KCNMB2: variants seen among roughly 807,000 people sequenced by gnomAD.
KCNMB2 encodes calcium-activated potassium channel subunit beta-2.
KCNMB2 carries 9 observed loss-of-function variants against 24.5 expected under a neutral mutation model. The ratio of observed to expected loss-of-function variants is 0.37; its 90% CI spans 0.22 to 0.64. KCNMB2 has a LOEUF of 0.64. Ranked by LOEUF, KCNMB2 falls within the 30% of genes least tolerant of loss-of-function variation. The probability of loss-of-function intolerance (pLI) is 0.63; values close to 1 mark genes in which losing one functional copy is unlikely to be tolerated. For synonymous variants in KCNMB2, 109 were observed against 104.4 expected, an observed-to-expected ratio of 1.04 and a Z score of -0.27; for missense variants, 226 against 284.3, an observed-to-expected ratio of 0.79 and a Z score of 1.47.
At chr3:178,717,234 T>C (rs1218045476) in intron 1 of KCNMB2, among the ~76,000 whole-genome samples, 1 of 152,130 alleles carries the variant, frequency 6.6e-6, no homozygotes, top group South Asian at 2.1e-4. Context: ...TGGCCACCTG[T>C]TTCCAAAGTA....
chr3:178,726,888 T>A (rs746375405), intron 1 of KCNMB2, among the ~76,000 whole-genome samples: 1 of 152,108 alleles, frequency 6.6e-6, no homozygotes, highest in Non-Finnish European at 1.5e-5. Flanking sequence ...ATTGAAAAGA[T>A]ATATTGTCTC....
intron 1 of KCNMB2, among the ~76,000 whole-genome samples, chr3:178,593,706 G>C (rs559037253): frequency 6.6e-6 from 1 of 150,916 alleles, no homozygotes; most frequent in Non-Finnish European, 1.5e-5. Flanking sequence ...CCAATTCCCC[G>C]GCCTTAGATT....
chr3:178,573,660 T>C (rs1577020442), intron 1 of KCNMB2, among the ~76,000 whole-genome samples: 2 of 148,562 alleles, frequency 1.3e-5, no homozygotes, highest in Admixed American at 1.4e-4. Flanking sequence ...GGTGGGAGGA[T>C]TGTTTGAGCC....
At chr3:178,813,079 A>C (rs1714259127) in intron 2 of KCNMB2, among the ~76,000 whole-genome samples, 1 of 152,180 alleles carries the variant, frequency 6.6e-6, no homozygotes, top group Non-Finnish European at 1.5e-5. Flanking sequence ...TATGTCACCA[A>C]GTCTTTCTCT....
chr3:178,805,656 T>C (rs1416284546), intron 1 of KCNMB2, among the ~76,000 whole-genome samples: 1 of 151,788 alleles, frequency 6.6e-6, no homozygotes, highest in African/African-American at 2.4e-5. Context: ...ACAGGGGGTG[T>C]CACTGTGTCA....
chr3:178,764,811 AAAAAT>A (rs1414914773), intron 1 of KCNMB2, among the ~76,000 whole-genome samples: 2 of 152,216 alleles, frequency 1.3e-5, no homozygotes, highest in African/African-American at 4.8e-5. Flanking sequence ...AACTTTGTCC[AAAAAT>A]AAAATAAAAT....
intron 1 of KCNMB2, among the ~76,000 whole-genome samples, chr3:178,636,597 C>T (rs1393454942): frequency 6.6e-6 from 1 of 152,206 alleles, no homozygotes; most frequent in Non-Finnish European, 1.5e-5. Context: ...ACTCTCTTAG[C>T]TTCTTGAGTA....
intron 1 of KCNMB2, chr3:178,558,800 G>A (rs1716212747): frequency 6.6e-6 from 1 of 152,146 alleles, no homozygotes; most frequent in Non-Finnish European, 1.5e-5. Flanking sequence ...TTGTGTGCCA[G>A]GAAGGGCACT....
At chr3:178,679,407 T>C (rs1199174595) in intron 1 of KCNMB2, among the ~76,000 whole-genome samples, 1 of 152,154 alleles carries the variant, frequency 6.6e-6, no homozygotes, top group African/African-American at 2.4e-5. Context: ...ATGGGCTCTA[T>C]TTGTATCAGT....
chr3:178,539,246 A>C (rs1343735627), intron 1 of KCNMB2, among the ~76,000 whole-genome samples: 1 of 152,210 alleles, frequency 6.6e-6, no homozygotes, highest in Admixed American at 6.5e-5. Context: ...GCTTCCAAAA[A>C]TATTTCTGCT....
At chr3:178,677,950 G>A (rs926797005) in intron 1 of KCNMB2, among the ~76,000 whole-genome samples, 3 of 152,120 alleles carry the variant, frequency 2.0e-5, no homozygotes, top group Admixed American at 6.6e-5. Flanking sequence ...TAGAGACTTC[G>A]CATTTAAATG....
intron 1 of KCNMB2, among the ~76,000 whole-genome samples, chr3:178,693,580 T>C (rs1048467391): frequency 1.3e-5 from 2 of 152,232 alleles, no homozygotes; most frequent in Non-Finnish European, 2.9e-5. Context: ...GAACCAACCT[T>C]GCATCCCAGA....
chr3:178,572,945 T>C (rs1376227833), intron 1 of KCNMB2, among the ~76,000 whole-genome samples: 1 of 152,214 alleles, frequency 6.6e-6, no homozygotes, highest in Non-Finnish European at 1.5e-5. Flanking sequence ...TACGAATTCA[T>C]ACAGTAAATA....
chr3:178,801,420 T>C (rs1397296203), intron 1 of KCNMB2, among the ~76,000 whole-genome samples: 1 of 152,232 alleles, frequency 6.6e-6, no homozygotes, highest in Non-Finnish European at 1.5e-5. Context: ...AATAGTGTTC[T>C]GCAATGCACT....
Position 178,843,483 on chromosome 3 carries a change from C to CT in KCNMB2, c.*553dup, listed in dbSNP as rs961213567. 3 of 171,628 alleles carry CT rather than the reference C, an allele frequency of 1.7e-5. No individual in the cohort carries two copies. Among genetic ancestry groups the CT allele is most frequent in the African/African-American group, 4.8e-5 (2 of 41,510 alleles). The allele number at this position is 171,628 out of a possible 1,614,324, so 10.6% of individuals were successfully genotyped here. ...AGAAGAGGGGAAACCCAGCCAGCTA[C>CT]TTTTTTTCATCACTTTTTATTCATA... On this transcript the variant is annotated 3_prime_UTR_variant, in exon 5 of 5. Coordinates refer to ENST00000452583, the MANE Select transcript of KCNMB2 (RefSeq NM_181361.3).
chr3:178,597,713 C>T (rs774301492), intron 1 of KCNMB2, among the ~76,000 whole-genome samples: 4 of 152,118 alleles, frequency 2.6e-5, no homozygotes, highest in Admixed American at 2.0e-4. Context: ...AGTAATTTCA[C>T]ACAAATATAC....
intron 1 of KCNMB2, among the ~76,000 whole-genome samples, chr3:178,743,992 T>C (rs892915696): frequency 2.6e-5 from 4 of 152,222 alleles, no homozygotes; most frequent in East Asian, 3.8e-4. Flanking sequence ...TCAGAGGGTA[T>C]AGGCATATGA....
chr3:178,660,708 C>T (rs1049773133), intron 1 of KCNMB2, among the ~76,000 whole-genome samples: 3 of 152,202 alleles, frequency 2.0e-5, no homozygotes, highest in East Asian at 1.9e-4. Context: ...AACTAAGACT[C>T]GGAGAGGTTA....
At chr3:178,576,796 C>A (rs1717009473) in intron 1 of KCNMB2, among the ~76,000 whole-genome samples, 1 of 152,218 alleles carries the variant, frequency 6.6e-6, no homozygotes, top group African/African-American at 2.4e-5. Context: ...TGTCTAGATT[C>A]ATCCTCCCTG....
Sources: gnomAD v4.1 joint callset for allele counts (sites outside exome capture counted in the v4.1 genomes callset) on GRCh38, gnomAD v4.1.1 for gene constraint, MANE v1.5 for transcripts, NCBI Gene and HGNC (gene_info 2026-07-23, HGNC 2026-07-21) for gene names.